The following SP7 variants were observed in gnomAD, a reference collection of about 807,000 sequenced individuals.
SP7 encodes transcription factor Sp7.
A neutral mutation model predicts 27.9 loss-of-function variants in SP7; 13 were observed. That is an observed-to-expected ratio of 0.47 (90% CI 0.30 to 0.74). The LOEUF is 0.74. Among genes scored for constraint, SP7 ranks in the 30% least tolerant of loss-of-function variants. The pLI is 0.06. For synonymous variants in SP7, 219 were observed against 226.7 expected (o/e 0.97, Z 0.31); for missense variants, 525 against 558.0 (o/e 0.94, Z 0.60).
intron 2 of SP7, among the ~76,000 whole-genome samples, chr12:53,332,763 G>C (rs1944720538): frequency 1.3e-5 from 2 of 152,082 alleles, no homozygotes; most frequent in South Asian, 4.1e-4. Flanking sequence ...GAAGAAGGCG[G>C]CCTTCCTACC....
At chr12:53,333,532 G>A (rs1445203297) in intron 2 of SP7, among the ~76,000 whole-genome samples, 1 of 152,048 alleles carries the variant, frequency 6.6e-6, no homozygotes, top group Non-Finnish European at 1.5e-5. Flanking sequence ...GACATCTCAG[G>A]GCTGACTGGC....
At position 53,329,012 on chromosome 12, in the gene SP7, G is replaced by T. The variant is rs780927807; in HGVS notation, c.430C>A (p.His144Asn). 5 of 1,613,704 alleles carry T rather than the reference G, an allele frequency of 3.1e-6. No homozygotes were observed. Among genetic ancestry groups the T allele is most frequent in the Non-Finnish European group, 3.4e-6 (4 of 1,179,756 alleles). Residue 144 changes from histidine to asparagine, a missense_variant, in exon 3 of 3, where the codon CAT becomes AAT. By Grantham distance (68) the His-to-Asn change is moderately conservative (BLOSUM62 1). Coordinates refer to ENST00000536324, the MANE Select transcript of SP7 (RefSeq NM_001173467.3). ...CCTGGGCCTGGTGAAATGCCTGCAT[G>T]GATGCCTGCCTTGTACCAGGAGCCA... The part of the protein sequence containing the change: ...PYGSWYKAGI[H>N]AGISPGPGNT...
intron 2 of SP7, among the ~76,000 whole-genome samples, chr12:53,335,085 A>C (rs1311342550): frequency 6.7e-6 from 1 of 149,544 alleles, no homozygotes; most frequent in Non-Finnish European, 1.5e-5. Context: ...CTCATAGCCT[A>C]CCTCCTCTCC....
chr12:53,332,036 A>C (rs1944711486), intron 2 of SP7, among the ~76,000 whole-genome samples: 1 of 152,126 alleles, frequency 6.6e-6, no homozygotes, highest in Non-Finnish European at 1.5e-5. Context: ...AGTTTTCTCC[A>C]GTCTAACCAC....
chr12:53,342,493 AC>A (rs1330105659), intron 1 of SP7, among the ~76,000 whole-genome samples: 1 of 152,148 alleles, frequency 6.6e-6, no homozygotes, highest in Non-Finnish European at 1.5e-5. Context: ...AGCAACTAAT[AC>A]AAAAGAGTAG....
At chr12:53,336,055 A>T in intron 1 of SP7, 91 bp downstream of exon 1, 1 of 217,830 alleles carries the variant, frequency 4.6e-6, no homozygotes, top group Admixed American at 5.1e-5. Flanking sequence ...GGGAGAGGTT[A>T]AAGGGATGGT....
chr12:53,333,764 A>G (rs1332925113), intron 2 of SP7, among the ~76,000 whole-genome samples: 1 of 80,998 alleles, frequency 1.2e-5, no homozygotes, highest in East Asian at 6.6e-4. Flanking sequence ...TACAAGGTGG[A>G]GGGCTTCCTG....
chr12:53,331,041 G>A (rs1944697845), intron 2 of SP7, among the ~76,000 whole-genome samples: 1 of 152,222 alleles, frequency 6.6e-6, no homozygotes, highest in African/African-American at 2.4e-5. Flanking sequence ...CCCTTCCAAG[G>A]CAAGGAATGG....
At chr12:53,334,226 T>G (rs904311656) in intron 2 of SP7, among the ~76,000 whole-genome samples, 9 of 152,086 alleles carry the variant, frequency 5.9e-5, no homozygotes, top group African/African-American at 2.2e-4. Context: ...TCCATCTGGT[T>G]GGCTTGCATG....
chr12:53,341,487 A>T (rs560519627), intron 1 of SP7, among the ~76,000 whole-genome samples: 1 of 152,106 alleles, frequency 6.6e-6, no homozygotes, highest in Non-Finnish European at 1.5e-5. Flanking sequence ...TTAAGTAAGA[A>T]CCTGGTCATC....
At position 53,328,064 on chromosome 12, in the gene SP7, A is replaced by G; in HGVS notation, c.*82T>C. On this transcript the variant is annotated 3_prime_UTR_variant, in exon 3 of 3. Transcript: ENST00000536324. The surrounding 1 kb of genome is among the most constrained non-coding windows in gnomAD (Gnocchi z 5.1). The stretch of plus-strand genomic sequence containing the variant: ...CCGAAGGATGGCATGCATGGGGTAA[A>G]GAGAGTGATTGGCAAGCAGTGGTCT... The G allele has an allele frequency of 7.3e-7, 1 of 1,375,864 alleles. No individual in the cohort carries two copies. The highest frequency in any genetic ancestry group is 9.7e-7 in the Non-Finnish European group (1 of 1,025,744). The allele number at this position is 1,375,864 out of a possible 1,614,324, so 85.2% of individuals were successfully genotyped here.
In SP7 at chr12:53,329,219, G is replaced by C. The variant is rs929677230; in HGVS notation, c.223C>G (p.Leu75Val). The C allele has an allele frequency of 1.3e-5, 21 of 1,613,700 alleles. No homozygotes were observed. Among genetic ancestry groups the C allele is most frequent in the Non-Finnish European group, 1.7e-5 (20 of 1,179,880 alleles). The part of the protein sequence containing the change: ...PAPFTSTNGL[L>V]SPAGSPPAPT... ...GCTGGAGGACTGCCTGCAGGTGAAA[G>C]GAGCCCATTAGTGCTTGTAAAGGGG... Residue 75 changes from leucine (L) to valine (V), a missense_variant, in exon 3 of 3, where the codon CTT becomes GTT. By Grantham distance (32) the Leu-to-Val change is conservative (BLOSUM62 1). Transcript: ENST00000536324.
upstream of SP7, among the ~76,000 whole-genome samples, chr12:53,338,106 CGGAGGAGGA>C (rs56061756): frequency 9.8e-3 from 1,331 of 136,280 alleles, 21 homozygotes; most frequent in African/African-American, 0.034. Flanking sequence ...TAGCCAGGTC[CGGAGGAGGA>C]GGAGGAGGAG....
In SP7 at chr12:53,334,331, T is replaced by TACACACACAC. The variant is rs57611228; in HGVS notation, c.21+1285_21+1294dup. 4.8e-3 allele frequency among the ~76,000 whole-genome samples: 676 copies of TACACACACAC among 139,588 alleles called. 3 individuals carry two copies. Among genetic ancestry groups the TACACACACAC allele is most frequent in the East Asian group, 0.017 (75 of 4,464 alleles). The allele number at this position is 139,588 out of a possible 152,430, so 91.6% of individuals were successfully genotyped here. A position where few individuals can be genotyped will look rare whatever the true frequency, so the allele number is the denominator to read the frequency against. ...CTCACAGCACTCAGATGGCCCAACT[T>TACACACACAC]ACACACACACACACACACACACACA... On this transcript the variant is annotated intron_variant, in intron 2 of 2. Transcript: ENST00000536324.
At chr12:53,335,786 C>CGGGGTGG in intron 1 of SP7, 93 bp from the exon 2 acceptor site, 1 of 1,344,046 alleles carries the variant, frequency 7.4e-7, no homozygotes, top group Non-Finnish European at 9.6e-7. Flanking sequence ...TAGAAGGGAC[C>CGGGGTGG]GGGGTGGGGG....
At chr12:53,338,058 C>A (rs1223270444), upstream of SP7, among the ~76,000 whole-genome samples, 1 of 149,030 alleles carries the variant, frequency 6.7e-6, no homozygotes, top group Admixed American at 6.8e-5. Context: ...GATGGGGAGA[C>A]AATGGCTTGG....
At chr12:53,334,993 C>T (rs922273309) in intron 2 of SP7, among the ~76,000 whole-genome samples, 18 of 152,324 alleles carry the variant, frequency 1.2e-4, no homozygotes, top group African/African-American at 4.1e-4. Context: ...GACCCCGTCC[C>T]TCCTCCTTGG....
chr12:53,338,855 C>T (rs1944798069), upstream of SP7, among the ~76,000 whole-genome samples: 1 of 152,192 alleles, frequency 6.6e-6, no homozygotes, highest in South Asian at 2.1e-4. Context: ...CCCTCAGGAA[C>T]CCCTGGGTTC....
Sources: gnomAD v4.1 joint callset for allele counts (sites outside exome capture counted in the v4.1 genomes callset) on GRCh38, gnomAD v4.1.1 for gene constraint, Gnocchi (gnomAD v3.1) non-coding constraint, MANE v1.5 for transcripts, NCBI Gene and HGNC (gene_info 2026-07-23, HGNC 2026-07-21) for gene names.